GSK3B: variants seen among roughly 807,000 people sequenced by gnomAD.
The protein encoded by GSK3B is glycogen synthase kinase 3 beta.
Under a neutral mutation model 56.4 loss-of-function variants are expected in GSK3B, and 15 were observed. The observed-to-expected ratio is 0.27, with a 90% CI of 0.18 to 0.41. The LOEUF (loss-of-function observed/expected upper bound fraction) is 0.41, where lower values mean the gene tolerates loss of function less well. GSK3B is among the 10% of genes least tolerant of loss of function. GSK3B has a pLI of 1.00. For synonymous variants in GSK3B, 181 were observed against 188.9 expected (o/e 0.96, Z 0.34); for missense variants, 300 against 513.4 (o/e 0.58, Z 4.02).
intron 9 of GSK3B, among the ~76,000 whole-genome samples, chr3:119,862,524 T>TTA (rs376995408): frequency 1.7e-4 from 19 of 111,896 alleles, no homozygotes; most frequent in Admixed American, 9.4e-4. Flanking sequence ...TAGAGTATAA[T>TTA]AAAAAAAAAA....
chr3:119,834,489 C>T (rs1290436018), intron 10 of GSK3B, among the ~76,000 whole-genome samples: 1 of 152,142 alleles, frequency 6.6e-6, no homozygotes, highest in East Asian at 1.9e-4. Flanking sequence ...CCTGGAAGAC[C>T]TGTCAATAAG....
chr3:120,076,813 CAAAAAAAAAAAAAAAAA>C (rs202058386), intron 1 of GSK3B, among the ~76,000 whole-genome samples: 1 of 45,600 alleles, frequency 2.2e-5, no homozygotes, highest in Admixed American at 3.4e-4. Context: ...AACTCCGTCT[CAAAAAAAAAAAAAAAAA>C]AAAAAAAAAT....
intron 10 of GSK3B, among the ~76,000 whole-genome samples, chr3:119,827,869 C>A (rs571554678): frequency 3.4e-4 from 48 of 141,718 alleles, no homozygotes; most frequent in African/African-American, 4.5e-4. Flanking sequence ...TTAATGGGTA[C>A]AAAAAAAAAA....
At chr3:120,050,142 C>G (rs1047617075) in intron 1 of GSK3B, among the ~76,000 whole-genome samples, 4 of 152,142 alleles carry the variant, frequency 2.6e-5, no homozygotes, top group African/African-American at 9.7e-5. Context: ...TTATAACAAT[C>G]CATTATCTCA....
intron 1 of GSK3B, among the ~76,000 whole-genome samples, chr3:120,012,617 G>T (rs868215775): frequency 6.6e-6 from 1 of 152,098 alleles, no homozygotes; most frequent in Non-Finnish European, 1.5e-5. Context: ...CCCTCATGAC[G>T]CAATGAAAAG....
intron 3 of GSK3B, among the ~76,000 whole-genome samples, chr3:119,933,854 T>G (rs984608578): frequency 1.3e-4 from 20 of 152,116 alleles, no homozygotes; most frequent in African/African-American, 4.6e-4. Context: ...TCCAGCCTGA[T>G]AGGCAGAGCG....
intron 1 of GSK3B, among the ~76,000 whole-genome samples, chr3:120,053,939 G>C (rs2058172091): frequency 2.0e-5 from 3 of 152,122 alleles, no homozygotes; most frequent in African/African-American, 7.2e-5. Flanking sequence ...GAAGTATCCA[G>C]TCTCGCGTAT....
In GSK3B at chr3:119,850,050, G is replaced by GATGT. The variant is rs71933764; in HGVS notation, c.1097-6701_1097-6698dup. On this transcript the variant is annotated intron_variant, in intron 9 of 10. Coordinates refer to ENST00000264235, the MANE Select transcript of GSK3B (RefSeq NM_001146156.2). ...TAGATGTATGTAATGTAAATCTATA[G>GATGT]ATGTATGTATGTATGTATGTATGTA... 5.0e-4 allele frequency among the ~76,000 whole-genome samples: 76 copies of GATGT among 151,314 alleles called. 2 individuals carry two copies. The South Asian group carries it at 6.0e-3, about 12-fold the overall frequency.
intron 5 of GSK3B, among the ~76,000 whole-genome samples, chr3:119,915,672 C>T (rs954856959): frequency 1.3e-5 from 2 of 152,034 alleles, no homozygotes; most frequent in Non-Finnish European, 2.9e-5. Flanking sequence ...CCTTTCAGTT[C>T]ACAGAGAGTT....
At chr3:119,899,651 T>C (rs1198338280) in intron 7 of GSK3B, among the ~76,000 whole-genome samples, 2 of 152,120 alleles carry the variant, frequency 1.3e-5, no homozygotes, top group Admixed American at 1.3e-4. Flanking sequence ...GTAACAAAAA[T>C]GTAACTCTCA....
intron 2 of GSK3B, among the ~76,000 whole-genome samples, chr3:119,973,040 A>C (rs2057381861): frequency 6.6e-6 from 1 of 152,194 alleles, no homozygotes; most frequent in Admixed American, 6.5e-5. Flanking sequence ...TTGAGGAACT[A>C]CTGCTAATCG....
intron 8 of GSK3B, among the ~76,000 whole-genome samples, chr3:119,869,670 T>C (rs2056228496): frequency 6.6e-6 from 1 of 152,234 alleles, no homozygotes; most frequent in South Asian, 2.1e-4. Flanking sequence ...ATGTCATTGA[T>C]AGGTTCTTGA....
intron 2 of GSK3B, among the ~76,000 whole-genome samples, chr3:119,970,640 A>G (rs1036524992): frequency 2.0e-5 from 3 of 146,524 alleles, no homozygotes; most frequent in Admixed American, 6.8e-5. Flanking sequence ...AAAAAAAATT[A>G]GCCGGGCATG....
intron 1 of GSK3B, among the ~76,000 whole-genome samples, chr3:120,066,976 C>T (rs1322971133): frequency 6.6e-6 from 1 of 151,838 alleles, no homozygotes; most frequent in Non-Finnish European, 1.5e-5. Context: ...TTGGGCCACA[C>T]AAATACATGA....
At chr3:120,072,288 T>C (rs2058332973) in intron 1 of GSK3B, among the ~76,000 whole-genome samples, 3 of 152,188 alleles carry the variant, frequency 2.0e-5, no homozygotes. Context: ...CCGGGCACGG[T>C]AGCTTACGCC....
At chr3:120,004,215 G>A (rs554524373) in intron 1 of GSK3B, among the ~76,000 whole-genome samples, 18 of 152,348 alleles carry the variant, frequency 1.2e-4, no homozygotes, top group South Asian at 4.1e-4. Context: ...CCATTGCTGA[G>A]GCTTGAGTAG....
At chr3:119,980,879 T>C (rs1426576724) in intron 2 of GSK3B, among the ~76,000 whole-genome samples, 2 of 152,228 alleles carry the variant, frequency 1.3e-5, no homozygotes, top group Non-Finnish European at 2.9e-5. Context: ...TGTCCTAAGT[T>C]AACTGGTTGT....
chr3:120,003,974 G>A (rs982937312), intron 1 of GSK3B, among the ~76,000 whole-genome samples: 1 of 152,218 alleles, frequency 6.6e-6, no homozygotes, highest in African/African-American at 2.4e-5. Context: ...AAAGGGTTGG[G>A]GGATTTCCCT....
At chr3:119,864,659 G>C (rs945240625) in intron 8 of GSK3B, among the ~76,000 whole-genome samples, 1 of 152,252 alleles carries the variant, frequency 6.6e-6, no homozygotes, top group Non-Finnish European at 1.5e-5. Context: ...GCATGGAGCA[G>C]CCTGGAAGGC....
Sources: allele counts gnomAD v4.1 joint callset (sites outside exome capture counted in the v4.1 genomes callset), GRCh38; gene constraint gnomAD v4.1.1; transcripts MANE v1.5; gene names NCBI Gene and HGNC (gene_info 2026-07-23, HGNC 2026-07-21).